The following DNHD1 variants were observed in gnomAD, a reference collection of about 807,000 sequenced individuals.
DNHD1 encodes dynein heavy chain domain 1, also known as dynein heavy chain domain-containing protein 1.
In DNHD1, 383 loss-of-function variants were observed where a neutral mutation model predicts 458.1. The observed-to-expected ratio is 0.84, with a 90% CI of 0.77 to 0.91. The LOEUF is 0.91. Among genes scored for constraint, DNHD1 ranks in the 40% least tolerant of loss-of-function variants. The pLI is 0.00. For missense variants in DNHD1, 5,336 were observed against 5,866.1 expected, an observed-to-expected ratio of 0.91 and a Z score of 2.95; for synonymous variants, 2,203 against 2,376.9, an observed-to-expected ratio of 0.93 and a Z score of 2.13.
Position 6,546,632 on chromosome 11 carries a change from A to G in DNHD1, c.5693A>G (p.Gln1898Arg), listed in dbSNP as rs933711966. The change falls in exon 21 of 43, where the codon CAG becomes CGG. Residue 1898 changes from glutamine to arginine, a missense_variant. Gln to Arg is a conservative substitution (Grantham distance 43). Transcript: ENST00000254579. ...LNVTKEEPKC[Q>R]KPRSLAAIEE... ...GTGACCAAGGAGGAACCGAAGTGCC[A>G]GAAGCCTCGCAGCCTAGCTGCCATT... 1.4e-5 allele frequency: 22 copies of G among 1,551,340 alleles called. No homozygotes were observed. Among genetic ancestry groups the G allele is most frequent in the Non-Finnish European group, 1.7e-5 (20 of 1,146,800 alleles).
chr11:6,513,522 G>A (rs1037589896), intron 7 of DNHD1, among the ~76,000 whole-genome samples: 12 of 152,260 alleles, frequency 7.9e-5, no homozygotes, highest in East Asian at 3.9e-4. Flanking sequence ...AGATTTATCC[G>A]TAATGTTCTA....
chr11:6,525,345 A>G (rs910793186), intron 10 of DNHD1, among the ~76,000 whole-genome samples: 1 of 152,184 alleles, frequency 6.6e-6, no homozygotes, highest in Admixed American at 6.5e-5. Context: ...TCAGTGTCTC[A>G]TGGGAGATGG....
chr11:6,513,565 C>T (rs535382936), intron 7 of DNHD1, among the ~76,000 whole-genome samples: 49 of 152,288 alleles, frequency 3.2e-4, no homozygotes, highest in Non-Finnish European at 5.0e-4. Flanking sequence ...TGTATAGCTA[C>T]GTAGTATTTC....
chr11:6,517,649 CTTCTTTTT>C (rs1564999132), intron 7 of DNHD1, among the ~76,000 whole-genome samples: 16 of 85,646 alleles, frequency 1.9e-4, no homozygotes, highest in South Asian at 4.8e-4. Context: ...TGATCTAGGA[CTTCTTTTT>C]TTTTTTTTTT....
Position 6,563,510 on chromosome 11 carries a change from T to C in DNHD1, c.9798T>C (p.His3266=), listed in dbSNP as rs1370215470. The C allele has an allele frequency of 5.8e-6, 9 of 1,551,706 alleles. No homozygotes were observed. The highest frequency in any genetic ancestry group is 7.8e-6 in the Non-Finnish European group (9 of 1,146,996). ...VTDAMCDLFH[H]ETGWASAKQL... ...ATGCAATGTGTGACTTGTTCCACCA[T>C]GAAACAGGCTGGGCCAGTGCCAAAC... is the stretch of plus-strand genomic sequence containing the variant. The change falls in exon 30 of 43, where the codon CAT becomes CAC. Residue 3266 remains histidine (H), a synonymous_variant. Coordinates refer to ENST00000254579, the MANE Select transcript of DNHD1 (RefSeq NM_144666.3).
intron 10 of DNHD1, 113 bp from the exon 11 acceptor site, chr11:6,528,409 G>GTT: frequency 1.0e-6 from 1 of 967,672 alleles, no homozygotes; most frequent in Non-Finnish European, 1.4e-6. Flanking sequence ...GAATGGGTGT[G>GTT]TGTGTGTGTG....
At position 6,546,466 on chromosome 11, in the gene DNHD1, G is replaced by C. The variant is rs1434725999; in HGVS notation, c.5527G>C (p.Ala1843Pro). 1 of 1,550,718 alleles carries C rather than the reference G, an allele frequency of 6.4e-7. No individual in the cohort carries two copies. The highest frequency in any genetic ancestry group is 8.7e-7 in the Non-Finnish European group (1 of 1,147,012). Residue 1843 changes from alanine to proline, a missense_variant, in exon 21 of 43, where the codon GCA becomes CCA. Physicochemically the swap from Ala to Pro is conservative, Grantham distance 27 (BLOSUM62 -1). Coordinates refer to ENST00000254579, the MANE Select transcript of DNHD1 (RefSeq NM_144666.3). ...RQVAELTLLG[A>P]GMRDAFQMAT... ...AGTGGCAGAGCTGACTCTGCTGGGT[G>C]CAGGGATGAGGGATGCCTTCCAGAT... is the stretch of plus-strand genomic sequence containing the variant.
chr11:6,530,350 C>G (rs914598590), intron 12 of DNHD1, among the ~76,000 whole-genome samples: 1 of 152,158 alleles, frequency 6.6e-6, no homozygotes, highest in Non-Finnish European at 1.5e-5. Flanking sequence ...CTTTTACCCT[C>G]TTTTCTTTCT....
intron 24 of DNHD1, among the ~76,000 whole-genome samples, chr11:6,552,041 A>C (rs1392805211): frequency 6.7e-6 from 1 of 148,940 alleles, no homozygotes; most frequent in African/African-American, 2.5e-5. Flanking sequence ...CCAGGAGTTC[A>C]AGACCAGCCT....
At position 6,571,353 on chromosome 11, in the gene DNHD1, G is replaced by T; in HGVS notation, c.13841G>T (p.Ser4614Ile). 1 of 1,612,234 alleles carries T rather than the reference G, an allele frequency of 6.2e-7. No homozygotes were observed. Among genetic ancestry groups the T allele is most frequent in the Non-Finnish European group, 8.5e-7 (1 of 1,179,378 alleles). The change falls in exon 42 of 43, where the codon AGC (serine) becomes ATC (isoleucine). Residue 4614 changes from serine to isoleucine, a missense_variant. By Grantham distance (142) the Ser-to-Ile change is moderately radical. This residue lies in a region of DNHD1 where 698 missense variants were observed against 664.9 expected (regional missense o/e 1.05). Transcript: ENST00000254579. The surrounding 1 kb of genome is among the most constrained non-coding windows in gnomAD (Gnocchi z 5.0). The part of the protein sequence containing the change: ...QNVPSSNFPG[S>I]RGSVSSQLQY... ...GTGCCCAGCTCGAATTTCCCTGGTA[G>T]CCGAGGCTCGGTCTCCAGTCAGCTC...
At chr11:6,538,117 G>A (rs565638591) in intron 14 of DNHD1, among the ~76,000 whole-genome samples, 1 of 152,270 alleles carries the variant, frequency 6.6e-6, no homozygotes, top group African/African-American at 2.4e-5. Flanking sequence ...AGAATGGAGT[G>A]AATGAGATGG....
At chr11:6,560,656 G>A (rs966179380) in intron 28 of DNHD1, among the ~76,000 whole-genome samples, 3 of 152,190 alleles carry the variant, frequency 2.0e-5, no homozygotes, top group Non-Finnish European at 2.9e-5. Context: ...AGAGATGTTC[G>A]TAGTCTCAGG....
intron 4 of DNHD1, among the ~76,000 whole-genome samples, chr11:6,507,704 A>T (rs561666771): frequency 0.036 from 5,420 of 152,256 alleles, 312 homozygotes; most frequent in African/African-American, 0.12. Flanking sequence ...GTGGGAAGCT[A>T]AATGGCCCAC....
Position 6,568,314 on chromosome 11 carries a change from T to G in DNHD1, c.12538+72T>G, listed in dbSNP as rs13377333. On this transcript the variant is annotated intron_variant, in intron 37 of 42. Transcript: ENST00000254579. ...GGGCCTTAGCTTGAAATCTCAGGCC[T>G]CATGGCCAGTGACCTAGCACCAAAC... The G allele has an allele frequency of 3.7e-3, 5,610 of 1,533,674 alleles. 200 individuals carry two copies. In the African/African-American group the frequency reaches 0.068, roughly 19 times the overall value.
intron 32 of DNHD1, among the ~76,000 whole-genome samples, 180 bp from the exon 33 acceptor site, chr11:6,565,515 G>A (rs1028418120): frequency 1.3e-5 from 2 of 152,080 alleles, no homozygotes; most frequent in African/African-American, 2.4e-5. Flanking sequence ...CTATGAGGTC[G>A]CCACTAATAT....
rs1233211630 is a variant in DNHD1 at position 6,511,261 on chromosome 11, C to T, written c.1236-12C>T. Reference sequence around the variant, plus strand: ...GGATGCCAGCTCTGACCAGCTTAGTCCTTGATTCTAGGCTTCTGCAGGAGC... The same window carrying T: ...GGATGCCAGCTCTGACCAGCTTAGTTCTTGATTCTAGGCTTCTGCAGGAGC... On this transcript the variant is annotated splice_polypyrimidine_tract_variant and intron_variant, in intron 6 of 42. Coordinates refer to ENST00000254579, the MANE Select transcript of DNHD1 (RefSeq NM_144666.3). The T allele has an allele frequency of 1.2e-6, 2 of 1,613,748 alleles. No individual in the cohort carries two copies. The highest frequency in any genetic ancestry group is 1.7e-6 in the Non-Finnish European group (2 of 1,179,796).
At chr11:6,565,386 T>C (rs1211865451) in intron 32 of DNHD1, among the ~76,000 whole-genome samples, 1 of 152,190 alleles carries the variant, frequency 6.6e-6, no homozygotes, top group Non-Finnish European at 1.5e-5. Context: ...AGAGGATGAA[T>C]AGGATCCCTC....
At chr11:6,529,144 C>T (rs547272307) in intron 12 of DNHD1, 23 bp downstream of exon 12, 1 of 1,548,940 alleles carries the variant, frequency 6.5e-7, no homozygotes, top group South Asian at 1.2e-5. Flanking sequence ...TCTCTTCCCT[C>T]TCCTCCTTCC....
intron 24 of DNHD1, among the ~76,000 whole-genome samples, chr11:6,552,909 A>G (rs1853391272): frequency 6.6e-6 from 1 of 152,230 alleles, no homozygotes; most frequent in Non-Finnish European, 1.5e-5. Context: ...ACAGCCTCAT[A>G]CCTAAGAAAA....
Sources: gnomAD v4.1 joint callset for allele counts (sites outside exome capture counted in the v4.1 genomes callset) on GRCh38, gnomAD v4.1.1 for gene constraint, gnomAD v4.1.1 regional missense constraint, Gnocchi (gnomAD v3.1) non-coding constraint, MANE v1.5 for transcripts, NCBI Gene and HGNC (gene_info 2026-07-23, HGNC 2026-07-21) for gene names.